The following SHC2 variants were observed in gnomAD, a reference collection of about 807,000 sequenced individuals.
SHC2 encodes SHC-transforming protein 2.
SHC2 carries 62 observed loss-of-function variants against 60.6 expected under a neutral mutation model. The ratio of observed to expected loss-of-function variants is 1.02; its 90% CI spans 0.83 to 1.26. The LOEUF (loss-of-function observed/expected upper bound fraction) is 1.26. SHC2 is among the 50% of genes most tolerant of loss of function. The probability of loss-of-function intolerance (pLI) is 0.00; values close to 1 mark genes in which losing one functional copy is unlikely to be tolerated. For missense variants in SHC2, 873 were observed against 822.2 expected (o/e 1.06, Z -0.76); for synonymous variants, 375 against 372.4 (o/e 1.01, Z -0.08).
At position 440,624 on chromosome 19, in the gene SHC2, C is replaced by T. The variant is rs1337983088; in HGVS notation, c.539+238G>A. Reference sequence around the variant, plus strand: ...GGGGACTTGCCCAGCACCCTGTGAGCGACCGGCGTGTTCTTTCCATCTTAG... The same window carrying T: ...GGGGACTTGCCCAGCACCCTGTGAGTGACCGGCGTGTTCTTTCCATCTTAG... On this transcript the variant is annotated intron_variant, in intron 2 of 12. Coordinates refer to ENST00000264554, the MANE Select transcript of SHC2 (RefSeq NM_012435.3). The surrounding 1 kb of genome is among the most constrained non-coding windows in gnomAD (Gnocchi z 7.0). Among the ~76,000 whole-genome samples the T allele has an allele frequency of 6.6e-6, 1 of 152,212 alleles. No homozygotes were observed. The highest frequency in any genetic ancestry group is 1.5e-5 in the Non-Finnish European group (1 of 68,028).
rs374975646 is a variant in SHC2, at chr19:444,567, C to T, written c.469-3635G>A. Among the ~76,000 whole-genome samples, 9 of 152,252 alleles carry T rather than the reference C, an allele frequency of 5.9e-5. No individual in the cohort carries two copies. In the East Asian group the frequency reaches 1.5e-3, roughly 26 times the overall value. ...ACCCTCTGTGGCCCACGGCAGCTCA[C>T]GAGAGGAAATGCAATATCCTATTCG... On this transcript the variant is annotated intron_variant, in intron 1 of 12. Coordinates refer to ENST00000264554, the MANE Select transcript of SHC2 (RefSeq NM_012435.3).
chr19:429,147 C>T (rs1380563856), intron 9 of SHC2, among the ~76,000 whole-genome samples: 1 of 149,344 alleles, frequency 6.7e-6, no homozygotes, highest in Non-Finnish European at 1.5e-5. Flanking sequence ...GATGCAGTAC[C>T]TATATCCAAC....
chr19:438,960 C>T lies in SHC2; in HGVS notation c.600+10G>A, dbSNP rs748828216. ...CACCAGCCCCACGAGAGACCACAAG[C>T]CTCACTCACCTTTTTCTTCCAGGAT... On this transcript the variant is annotated intron_variant, in intron 3 of 12. Coordinates refer to ENST00000264554, the MANE Select transcript of SHC2 (RefSeq NM_012435.3). The surrounding 1 kb of genome is among the most constrained non-coding windows in gnomAD (Gnocchi z 5.0). 8 of 1,597,634 alleles carry T rather than the reference C, an allele frequency of 5.0e-6. No individual in the cohort carries two copies. The highest frequency in any genetic ancestry group is 1.3e-5 in the African/African-American group (1 of 74,522).
At chr19:419,979 C>A (rs139909251) in intron 11 of SHC2, 1 of 152,112 alleles carries the variant, frequency 6.6e-6, no homozygotes, top group African/African-American at 2.4e-5. Flanking sequence ...ACTTCACGTG[C>A]GGAACAGGGA....
chr19:454,452 C>A (rs1317037998), intron 1 of SHC2, among the ~76,000 whole-genome samples: 1 of 152,178 alleles, frequency 6.6e-6, no homozygotes, highest in Non-Finnish European at 1.5e-5. Context: ...CGGTCGGTCT[C>A]CCGTGGCTGC....
intron 9 of SHC2, among the ~76,000 whole-genome samples, chr19:427,922 C>CGGCACAGGAAAAGGGAGGCCACAT (rs1568283752): frequency 6.7e-6 from 1 of 149,800 alleles, no homozygotes; most frequent in African/African-American, 2.5e-5. Flanking sequence ...GAACTGCACA[C>CGGCACAGGAAAAGGGAGGCCACAT]GGCACAGGAA....
At chr19:420,362 C>T (rs1974239307) in intron 11 of SHC2, among the ~76,000 whole-genome samples, 2 of 152,226 alleles carry the variant, frequency 1.3e-5, no homozygotes, top group Non-Finnish European at 2.9e-5. Flanking sequence ...AGAGACCAGG[C>T]TCACACCAGC....
At chr19:434,072 C>A (rs1291158112) in intron 8 of SHC2, among the ~76,000 whole-genome samples, 1 of 101,584 alleles carries the variant, frequency 9.8e-6, no homozygotes, top group Admixed American at 1.0e-4. Context: ...TAGAGGAGGC[C>A]GGGCAGATAG....
intron 2 of SHC2, among the ~76,000 whole-genome samples, chr19:439,880 G>T (rs1018254685): frequency 6.6e-6 from 1 of 152,004 alleles, no homozygotes; most frequent in Non-Finnish European, 1.5e-5. Context: ...ATAAAAACTA[G>T]CTGGGTGTGG....
rs151005593 is a variant in SHC2, at chr19:430,687, T to C, written c.1171A>G (p.Thr391Ala). 6.2e-7 allele frequency: 1 copy of C among 1,612,848 alleles called. No individual in the cohort carries two copies. The highest frequency in any genetic ancestry group is 8.5e-7 in the Non-Finnish European group (1 of 1,179,734). ...SLPWDVGSTG[T>A]APPGDGYVQA... ...TTGCAGCCCCAGCCCATCCTACCTGTACCGGTGGACCCCACGTCCCATGGC... is the reference window on the plus strand; with the variant it reads ...TTGCAGCCCCAGCCCATCCTACCTGCACCGGTGGACCCCACGTCCCATGGC... The change falls in exon 9 of 13, where the codon ACA becomes GCA. Residue 391 changes from threonine to alanine, a missense_variant. By Grantham distance (58) the Thr-to-Ala change is moderately conservative (BLOSUM62 0). Coordinates refer to ENST00000264554, the MANE Select transcript of SHC2 (RefSeq NM_012435.3).
chr19:436,113 G>A (rs2145719094), intron 7 of SHC2, 52 bp downstream of exon 7: 2 of 1,591,688 alleles, frequency 1.3e-6, no homozygotes, highest in Admixed American at 1.7e-5. Flanking sequence ...CTCTGCACCT[G>A]GGCAGGTCAC....
intron 9 of SHC2, among the ~76,000 whole-genome samples, chr19:429,908 A>T (rs1183876162): frequency 1.3e-5 from 2 of 149,694 alleles, no homozygotes; most frequent in Non-Finnish European, 3.0e-5. Context: ...GAGAAACCTA[A>T]TACCGTGTGG....
chr19:442,568 C>T (rs1422807713), intron 1 of SHC2, among the ~76,000 whole-genome samples: 3 of 3,374 alleles, frequency 8.9e-4, no homozygotes, highest in Non-Finnish European at 1.9e-3. Flanking sequence ...GGTGGGTGGA[C>T]GGATGGCTGG....
At position 441,440 on chromosome 19, in the gene SHC2, C is replaced by T. The variant is rs902117144; in HGVS notation, c.469-508G>A. 6.6e-6 allele frequency among the ~76,000 whole-genome samples: 1 copy of T among 152,178 alleles called. No individual in the cohort carries two copies. Among genetic ancestry groups the T allele is most frequent in the Non-Finnish European group, 1.5e-5 (1 of 68,044 alleles). On this transcript the variant is annotated intron_variant, in intron 1 of 12. Transcript: ENST00000264554. The surrounding 1 kb of genome is among the most constrained non-coding windows in gnomAD (Gnocchi z 4.9). Reference sequence around the variant, plus strand: ...GCTGTTTCCATGAAAAGGGAATTCACCATCTCAATGACTGATAATACTGAG... The same window carrying T: ...GCTGTTTCCATGAAAAGGGAATTCATCATCTCAATGACTGATAATACTGAG...
At chr19:419,239 G>C (rs1974217823) in intron 11 of SHC2, 183 bp from the exon 12 acceptor site, 1 of 658,926 alleles carries the variant, frequency 1.5e-6, no homozygotes, top group East Asian at 3.0e-5. Context: ...CCACCCATGG[G>C]CACGGGCTCT....
chr19:434,416 T>G (rs1432600222), intron 8 of SHC2, among the ~76,000 whole-genome samples: 11 of 7,438 alleles, frequency 1.5e-3, no homozygotes, highest in South Asian at 5.5e-3. Context: ...GTGAGTGAGA[T>G]AGTGAGTGAG....
chr19:444,054 T>G (rs371594917), intron 1 of SHC2, among the ~76,000 whole-genome samples: 1,933 of 144,930 alleles, frequency 0.013, 27 homozygotes, highest in African/African-American at 0.047. Flanking sequence ...GACGGATGGA[T>G]GGATGGGTGG....
chr19:442,892 TGGATGAATGGATGGATGGAC>T (rs2145731937), intron 1 of SHC2, among the ~76,000 whole-genome samples: 1 of 93,774 alleles, frequency 1.1e-5, no homozygotes, highest in Admixed American at 1.2e-4. Context: ...GATGGGTGGG[TGGATGAATGGATGGATGGAC>T]GGGTGGGTGG....
intron 11 of SHC2, among the ~76,000 whole-genome samples, chr19:421,429 AAAAG>A (rs1196215201): frequency 4.5e-5 from 6 of 133,098 alleles, no homozygotes; most frequent in Non-Finnish European, 3.2e-5. Flanking sequence ...AAAGAAAAGA[AAAAG>A]AGAGAAAAAA....
Sources: allele counts gnomAD v4.1 joint callset (sites outside exome capture counted in the v4.1 genomes callset), GRCh38; gene constraint gnomAD v4.1.1; non-coding constraint Gnocchi (gnomAD v3.1); transcripts MANE v1.5; gene names NCBI Gene and HGNC (gene_info 2026-07-23, HGNC 2026-07-21).